ADAMTSL1: variants seen among roughly 807,000 people sequenced by gnomAD.
The protein encoded by ADAMTSL1 is ADAMTS like 1.
ADAMTSL1 carries 126 observed loss-of-function variants against 201.8 expected under a neutral mutation model. That is an observed-to-expected ratio of 0.62 (90% CI 0.54 to 0.72). ADAMTSL1 has a LOEUF of 0.72. Ranked by LOEUF, ADAMTSL1 falls within the 30% of genes least tolerant of loss-of-function variation. The pLI, the probability that ADAMTSL1 is intolerant of heterozygous loss-of-function variation, is 0.00. For synonymous variants in ADAMTSL1, 1,121 were observed against 903.4 expected (o/e 1.24, Z -4.32); for missense variants, 2,679 against 2,277.8 (o/e 1.18, Z -3.59).
chr9:18,636,763 G>A (rs1168568206), intron 6 of ADAMTSL1, among the ~76,000 whole-genome samples: 2 of 152,160 alleles, frequency 1.3e-5, no homozygotes, highest in Non-Finnish European at 2.9e-5. Context: ...ACAAAGAAGA[G>A]GATGGGAGGG....
chr9:18,903,026 AAAACC>A (rs1830097072), intron 26 of ADAMTSL1, among the ~76,000 whole-genome samples: 2 of 151,962 alleles, frequency 1.3e-5, no homozygotes, highest in Non-Finnish European at 2.9e-5. Context: ...CCAACATGGC[AAAACC>A]CCATCTCTAC....
rs749089365 is a variant in ADAMTSL1 at position 18,775,723 on chromosome 9, G to C, written c.2398-20G>C. 1.4e-5 allele frequency: 22 copies of C among 1,610,086 alleles called. No individual in the cohort carries two copies. The highest frequency in any genetic ancestry group is 1.8e-5 in the Non-Finnish European group (21 of 1,178,208). ...TAGTTCCCAGAATTTATGTGCATTT[G>C]GCCTTTCTTTCTCCACCAGTGTTCC... On this transcript the variant is annotated intron_variant, in intron 17 of 28. Coordinates refer to ENST00000380548, the MANE Select transcript of ADAMTSL1 (RefSeq NM_001040272.6).
chr9:18,031,157 T>C (rs1278156097), intron 1 of ADAMTSL1, among the ~76,000 whole-genome samples: 1 of 152,216 alleles, frequency 6.6e-6, no homozygotes, highest in Non-Finnish European at 1.5e-5. Context: ...ATGTCTATGC[T>C]TCAGACATTT....
intron 2 of ADAMTSL1, among the ~76,000 whole-genome samples, chr9:18,374,815 T>C (rs935953726): frequency 6.6e-6 from 1 of 152,194 alleles, no homozygotes; most frequent in East Asian, 1.9e-4. Flanking sequence ...AAGAAAATAG[T>C]ATCAGTCACC....
chr9:18,650,376 C>T (rs1157906771), intron 7 of ADAMTSL1, among the ~76,000 whole-genome samples: 4 of 152,150 alleles, frequency 2.6e-5, no homozygotes, highest in East Asian at 1.9e-4. Flanking sequence ...TGCTTCGGCT[C>T]GTGCACAGCG....
intron 16 of ADAMTSL1, among the ~76,000 whole-genome samples, chr9:18,760,123 T>G (rs78907709): frequency 6.6e-6 from 1 of 152,192 alleles, no homozygotes; most frequent in East Asian, 1.9e-4. Flanking sequence ...TCTTTCATCA[T>G]TGATCATTAT....
chr9:18,646,865 C>G (rs1408301180), intron 7 of ADAMTSL1, among the ~76,000 whole-genome samples: 1 of 151,898 alleles, frequency 6.6e-6, no homozygotes. Context: ...TTTGTTGTGT[C>G]TCTGCCCGGC....
At chr9:18,855,782 A>G (rs999080343) in intron 23 of ADAMTSL1, among the ~76,000 whole-genome samples, 10 of 152,188 alleles carry the variant, frequency 6.6e-5, no homozygotes, top group Non-Finnish European at 1.5e-4. Flanking sequence ...AGGAGATAAG[A>G]CCAAAAATTC....
chr9:17,987,547 G>T (rs1047638201), intron 1 of ADAMTSL1, among the ~76,000 whole-genome samples: 1 of 151,824 alleles, frequency 6.6e-6, no homozygotes, highest in Non-Finnish European at 1.5e-5. Context: ...TAGTCTTAGT[G>T]TGTTTGTAAT....
intron 1 of ADAMTSL1, among the ~76,000 whole-genome samples, chr9:18,076,311 T>C (rs1823222115): frequency 6.6e-6 from 1 of 152,246 alleles, no homozygotes; most frequent in Non-Finnish European, 1.5e-5. Context: ...CACATCTTAC[T>C]GAGTTCCTTC....
intron 23 of ADAMTSL1, among the ~76,000 whole-genome samples, chr9:18,830,707 C>A (rs1301033728): frequency 6.6e-6 from 1 of 152,054 alleles, no homozygotes; most frequent in Non-Finnish European, 1.5e-5. Flanking sequence ...GAGAAGAATT[C>A]TTCTGCCTTC....
intron 10 of ADAMTSL1, 107 bp from the exon 11 acceptor site, chr9:18,680,205 C>T: frequency 8.4e-7 from 1 of 1,190,100 alleles, no homozygotes; most frequent in East Asian, 2.6e-5. Context: ...CTTAGCCTCT[C>T]AGAACCTGAT....
intron 1 of ADAMTSL1, among the ~76,000 whole-genome samples, chr9:18,061,770 A>G (rs1822464982): frequency 6.6e-6 from 1 of 152,224 alleles, no homozygotes; most frequent in Non-Finnish European, 1.5e-5. Context: ...TCTTTTTTAT[A>G]TTTCACAGAG....
Position 18,829,987 on chromosome 9 carries a change from A to G in ADAMTSL1, c.4249+10A>G, listed in dbSNP as rs771312671. 1 of 1,599,120 alleles carries G rather than the reference A, an allele frequency of 6.3e-7. No homozygotes were observed. The highest frequency in any genetic ancestry group is 2.3e-5 in the East Asian group (1 of 44,180). On this transcript the variant is annotated intron_variant, in intron 23 of 28. Coordinates refer to ENST00000380548, the MANE Select transcript of ADAMTSL1 (RefSeq NM_001040272.6). ...AATTCTGCTCTCCTTGGTGAGTCTA[A>G]CCCTCGGAAACATTGGGCAGAAAGC...
At chr9:18,553,681 T>G (rs1820932449) in intron 3 of ADAMTSL1, among the ~76,000 whole-genome samples, 1 of 151,912 alleles carries the variant, frequency 6.6e-6, no homozygotes, top group Admixed American at 6.6e-5. Flanking sequence ...TCTTGAAAGT[T>G]AGTTTTGCAG....
chr9:18,309,240 G>A (rs1834024826), intron 2 of ADAMTSL1, among the ~76,000 whole-genome samples: 3 of 152,166 alleles, frequency 2.0e-5, no homozygotes, highest in Admixed American at 2.0e-4. Flanking sequence ...TTACTGAACG[G>A]GCAAAACCTG....
intron 20 of ADAMTSL1, among the ~76,000 whole-genome samples, chr9:18,810,342 A>G (rs1823424631): frequency 6.6e-6 from 1 of 152,238 alleles, no homozygotes; most frequent in African/African-American, 2.4e-5. Flanking sequence ...TGATGAGCTT[A>G]ATTACCTATG....
intron 2 of ADAMTSL1, among the ~76,000 whole-genome samples, chr9:18,399,318 T>TATATATATACATATAC (rs1554672314): frequency 4.0e-5 from 4 of 100,796 alleles, no homozygotes; most frequent in African/African-American, 1.5e-4. Context: ...TATATATATA[T>TATATATATACATATAC]ATATATATAT....
chr9:18,892,646 A>T, intron 26 of ADAMTSL1, 50 bp downstream of exon 26: 2 of 1,526,994 alleles, frequency 1.3e-6, no homozygotes, highest in African/African-American at 2.8e-5. Flanking sequence ...AAAGGAATGG[A>T]CCCTGCCACA....
Sources: allele counts gnomAD v4.1 joint callset (sites outside exome capture counted in the v4.1 genomes callset), GRCh38; gene constraint gnomAD v4.1.1; transcripts MANE v1.5; gene names NCBI Gene and HGNC (gene_info 2026-07-23, HGNC 2026-07-21).